DAAM1: variants seen among roughly 807,000 people sequenced by gnomAD.
DAAM1 encodes the protein disheveled-associated activator of morphogenesis 1.
DAAM1 carries 52 observed loss-of-function variants against 130.0 expected under a neutral mutation model. That is an observed-to-expected ratio of 0.40 (90% CI 0.32 to 0.50). The LOEUF (loss-of-function observed/expected upper bound fraction) is 0.50. Among genes scored for constraint, DAAM1 ranks in the 20% least tolerant of loss-of-function variants. DAAM1 has a pLI of 0.61. For missense variants in DAAM1, 1,134 were observed against 1,303.8 expected (o/e 0.87, Z 2.01); for synonymous variants, 452 against 444.5 (o/e 1.02, Z -0.21).
chr14:59,237,991 C>T (rs1256836730), intron 1 of DAAM1, among the ~76,000 whole-genome samples: 1 of 152,122 alleles, frequency 6.6e-6, no homozygotes, highest in Non-Finnish European at 1.5e-5. Context: ...ATTTAGAGAG[C>T]AATAGTAGAG....
At chr14:59,277,438 A>G (rs1178210439) in intron 2 of DAAM1, among the ~76,000 whole-genome samples, 1 of 151,990 alleles carries the variant, frequency 6.6e-6, no homozygotes, top group African/African-American at 2.4e-5. Context: ...TTTAGTTCCC[A>G]CAGCTGGGCT....
intron 2 of DAAM1, among the ~76,000 whole-genome samples, chr14:59,276,508 G>A (rs986763634): frequency 3.3e-5 from 5 of 152,138 alleles, no homozygotes; most frequent in Non-Finnish European, 7.4e-5. Flanking sequence ...GGTGGGAGGA[G>A]AGGGTTAAAC....
At chr14:59,361,822 G>A (rs578131096) in intron 22 of DAAM1, among the ~76,000 whole-genome samples, 12 of 152,138 alleles carry the variant, frequency 7.9e-5, no homozygotes, top group Non-Finnish European at 1.6e-4. Context: ...CAGGCAGCTT[G>A]GAAAGGTGCC....
intron 2 of DAAM1, among the ~76,000 whole-genome samples, chr14:59,272,224 G>T (rs551131171): frequency 6.6e-6 from 1 of 152,276 alleles, no homozygotes; most frequent in East Asian, 1.9e-4. Flanking sequence ...CTTAAAAAGA[G>T]AAAAGTTTTG....
At chr14:59,296,209 T>A (rs17096042) in intron 3 of DAAM1, among the ~76,000 whole-genome samples, 33,100 of 152,168 alleles carry the variant, frequency 0.22, 3,742 homozygotes, top group East Asian at 0.33. Context: ...GACAACCAGC[T>A]TTCTAGACTC....
chr14:59,363,642 G>A lies in DAAM1; in HGVS notation c.2695-9G>A. 6.2e-7 allele frequency: 1 copy of A among 1,614,000 alleles called. No homozygotes were observed. Among genetic ancestry groups the A allele is most frequent in the Non-Finnish European group, 8.5e-7 (1 of 1,179,948 alleles). On this transcript the variant is annotated splice_polypyrimidine_tract_variant and intron_variant, in intron 22 of 24. Transcript: ENST00000360909. ...CCTGCATTGACATTATTCATTTCCT[G>A]TGTTTAAGGAGCTGGAATATCAGAA...
chr14:59,331,752 C>A, intron 14 of DAAM1, 61 bp from the exon 15 acceptor site: 2 of 1,544,926 alleles, frequency 1.3e-6, no homozygotes, highest in East Asian at 2.3e-5. Flanking sequence ...TTTAAATAAC[C>A]ATCCCTGTTC....
At chr14:59,360,773 G>T in intron 21 of DAAM1, 29 bp from the exon 22 acceptor site, 1 of 1,606,586 alleles carries the variant, frequency 6.2e-7, no homozygotes. Context: ...GTCACATGTT[G>T]ATTGCTAAAA....
chr14:59,325,148 C>T (rs1885159811), intron 8 of DAAM1, among the ~76,000 whole-genome samples: 1 of 152,172 alleles, frequency 6.6e-6, no homozygotes, highest in African/African-American at 2.4e-5. Flanking sequence ...CTGTTCTAAC[C>T]ACTGTGTGTA....
chr14:59,196,679 C>T (rs971743740), intron 1 of DAAM1, among the ~76,000 whole-genome samples: 3 of 151,936 alleles, frequency 2.0e-5, no homozygotes, highest in African/African-American at 7.2e-5. Flanking sequence ...GGAGGCGGAG[C>T]TTGCAGTGAG....
intron 4 of DAAM1, among the ~76,000 whole-genome samples, chr14:59,317,624 T>A (rs1884839770): frequency 6.6e-6 from 1 of 152,178 alleles, no homozygotes; most frequent in Non-Finnish European, 1.5e-5. Context: ...CAGCAACTAC[T>A]ACATGACAAG....
chr14:59,289,070 C>T (rs2139560661), intron 2 of DAAM1, among the ~76,000 whole-genome samples: 1 of 152,266 alleles, frequency 6.6e-6, no homozygotes, highest in East Asian at 1.9e-4. Context: ...CGTGTGCCAC[C>T]ACACCCAGCT....
chr14:59,353,986 T>A (rs1312756994), intron 19 of DAAM1, 22 bp downstream of exon 19: 1 of 1,608,198 alleles, frequency 6.2e-7, no homozygotes, highest in South Asian at 1.1e-5. Flanking sequence ...CTGTCTAGAT[T>A]GGAAATGATG....
rs1474182475 is a variant in DAAM1, at chr14:59,330,696, C to G, written c.1560+8C>G. ...CTCCATGAGCTCAGCAGGGTGAGGT[C>G]TTCCGCTCAGCTCACGGGCAGCTGC... On this transcript the variant is annotated splice_region_variant and intron_variant, in intron 13 of 24. Coordinates refer to ENST00000360909, the MANE Select transcript of DAAM1 (RefSeq NM_001270520.2). 2 of 1,599,102 alleles carry G rather than the reference C, an allele frequency of 1.3e-6. No individual in the cohort carries two copies. The highest frequency in any genetic ancestry group is 2.7e-5 in the African/African-American group (2 of 74,098).
At position 59,360,785 on chromosome 14, in the gene DAAM1, A is replaced by G. The variant is rs758997476; in HGVS notation, c.2634-17A>G. 1.2e-6 allele frequency: 2 copies of G among 1,611,566 alleles called. No homozygotes were observed. Among genetic ancestry groups the G allele is most frequent in the East Asian group, 2.2e-5 (1 of 44,830 alleles). ...TAAGTCACATGTTGATTGCTAAAAC[A>G]TTGCTATTTACAACAGCATGACTGA... On this transcript the variant is annotated splice_polypyrimidine_tract_variant and intron_variant, in intron 21 of 24. Transcript: ENST00000360909.
intron 16 of DAAM1, among the ~76,000 whole-genome samples, chr14:59,344,552 G>A (rs115755790): frequency 4.5e-4 from 68 of 152,252 alleles, no homozygotes; most frequent in African/African-American, 1.5e-3. Context: ...CCCTGAGGGC[G>A]GGGTACCTTT....
At chr14:59,331,949 A>C in intron 15 of DAAM1, 29 bp downstream of exon 15, 1 of 1,575,868 alleles carries the variant, frequency 6.3e-7, no homozygotes, top group South Asian at 1.1e-5. Flanking sequence ...CAGACACCAA[A>C]AAGGTAGAAA....
intron 1 of DAAM1, among the ~76,000 whole-genome samples, chr14:59,262,455 A>T (rs2139504329): frequency 6.6e-6 from 1 of 152,308 alleles, no homozygotes; most frequent in African/African-American, 2.4e-5. Context: ...TTTGGATTCA[A>T]AAGGGTAAAA....
intron 3 of DAAM1, among the ~76,000 whole-genome samples, chr14:59,308,348 A>G (rs1884448720): frequency 6.6e-6 from 1 of 152,210 alleles, no homozygotes; most frequent in South Asian, 2.1e-4. Context: ...GTAAAAGGGA[A>G]GATTTGGGGA....
Sources: gnomAD v4.1 joint callset for allele counts (sites outside exome capture counted in the v4.1 genomes callset) on GRCh38, gnomAD v4.1.1 for gene constraint, MANE v1.5 for transcripts, NCBI Gene and HGNC (gene_info 2026-07-23, HGNC 2026-07-21) for gene names.